Variants in IFIT5 observed in about 807,000 individuals in gnomAD.
IFIT5 encodes the protein interferon-induced protein with tetratricopeptide repeats 5.
IFIT5 carries 2 observed loss-of-function variants against 5.0 expected under a neutral mutation model. That is an observed-to-expected ratio of 0.40 (90% CI 0.16 to 1.26). The LOEUF is 1.26. IFIT5 is among the 50% of genes most tolerant of loss of function. The pLI is 0.33. For missense variants in IFIT5, 524 were observed against 563.2 expected (o/e 0.93, Z 0.70); for synonymous variants, 206 against 204.6 (o/e 1.01, Z -0.06).
At position 89,414,667 on chromosome 10, in the gene IFIT5, A is replaced by G. The variant is rs949942848; in HGVS notation, c.-132A>G. ...AAAGACACGCCGCGCGGCCGAGTCC[A>G]GGGGCTGCAGAGGCCTGGCGCGCGC... On this transcript the variant is annotated 5_prime_UTR_variant, in exon 1 of 2. Transcript: ENST00000371795. 1.9e-6 allele frequency: 2 copies of G among 1,038,410 alleles called. No homozygotes were observed. The highest frequency in any genetic ancestry group is 1.8e-5 in the South Asian group (1 of 55,992). 64.3% of individuals were successfully genotyped at this position (1,038,410 alleles called of 1,614,324 possible).
rs1196287826 is a variant in IFIT5 at position 89,420,930 on chromosome 10, A to C, written c.*2282A>C. 6.6e-6 allele frequency: 1 copy of C among 152,228 alleles called. No homozygotes were observed. Among genetic ancestry groups the C allele is most frequent in the East Asian group, 1.9e-4 (1 of 5,200 alleles). 9.4% of individuals were successfully genotyped at this position (152,228 alleles called of 1,614,324 possible). A position where few individuals can be genotyped will look rare whatever the true frequency, so the allele number is the denominator to read the frequency against. On this transcript the variant is annotated 3_prime_UTR_variant, in exon 2 of 2. Coordinates refer to ENST00000371795, the MANE Select transcript of IFIT5 (RefSeq NM_012420.3). Reference sequence around the variant, plus strand: ...GAAATCCTAAGTTCCTTGAATATCCAGTTTGCATTTGGACTCCTCATCATA... The same window carrying C: ...GAAATCCTAAGTTCCTTGAATATCCCGTTTGCATTTGGACTCCTCATCATA...
Position 89,414,649 on chromosome 10 carries a change from C to A in IFIT5, c.-150C>A. The A allele has an allele frequency of 5.3e-6, 4 of 759,210 alleles. No homozygotes were observed. Among genetic ancestry groups the A allele is most frequent in the Non-Finnish European group, 7.8e-6 (4 of 514,148 alleles). 47.0% of individuals were successfully genotyped at this position (759,210 alleles called of 1,614,324 possible). On this transcript the variant is annotated 5_prime_UTR_variant, in exon 1 of 2. Coordinates refer to ENST00000371795, the MANE Select transcript of IFIT5 (RefSeq NM_012420.3). ...TGGGGTCTCTCCTTTAACAAAGACA[C>A]GCCGCGCGGCCGAGTCCAGGGGCTG...
In IFIT5 at chr10:89,417,671, A is replaced by C; in HGVS notation, c.472A>C (p.Lys158Gln). Residue 158 changes from lysine (K) to glutamine (Q), a missense_variant, in exon 2 of 2, where the codon AAG (lysine) becomes CAG (glutamine). Physicochemically the swap from Lys to Gln is moderately conservative, Grantham distance 53. Transcript: ENST00000371795. ...LLKFGGKYYQ[K>Q]AKAAFEKALE... ...GAAATTTGGAGGAAAGTATTATCAA[A>C]AGGCTAAAGCGGCTTTTGAGAAGGC... 6.2e-7 allele frequency: 1 copy of C among 1,614,220 alleles called. No individual in the cohort carries two copies. The highest frequency in any genetic ancestry group is 8.5e-7 in the Non-Finnish European group (1 of 1,180,032).
chr10:89,417,467 G>A lies in IFIT5; in HGVS notation c.268G>A (p.Glu90Lys). 7.4e-6 allele frequency: 12 copies of A among 1,614,214 alleles called. No homozygotes were observed. Among genetic ancestry groups the A allele is most frequent in the Non-Finnish European group, 1.0e-5 (12 of 1,180,040 alleles). The change falls in exon 2 of 2, where the codon GAA (glutamate) becomes AAA (lysine). Residue 90 changes from glutamate (E) to lysine (K), a missense_variant. Transcript: ENST00000371795. Reference protein sequence around the residue: ...IIQQEHSDKEEVRSLVTWGNY... With the variant: ...IIQQEHSDKEKVRSLVTWGNY... ...CCAGCAAGAACACTCAGACAAAGAA[G>A]AAGTACGAAGCCTGGTCACTTGGGG...
Position 89,420,496 on chromosome 10 carries a change from G to A in IFIT5, c.*1848G>A, listed in dbSNP as rs1375569390. 6.6e-6 allele frequency: 1 copy of A among 152,172 alleles called. No homozygotes were observed. The highest frequency in any genetic ancestry group is 1.5e-5 in the Non-Finnish European group (1 of 68,028). The allele number at this position is 152,172 out of a possible 1,614,324, so 9.4% of individuals were successfully genotyped here. On this transcript the variant is annotated 3_prime_UTR_variant, in exon 2 of 2. Transcript: ENST00000371795. ...CAGTTAATCATAGAAAAGATTATTT[G>A]CTTCATCAGTTCATAGAAAAGATTA...
In IFIT5 at chr10:89,420,623, A is replaced by G. The variant is rs554326939; in HGVS notation, c.*1975A>G. The G allele has an allele frequency of 1.3e-5, 2 of 152,200 alleles. No individual in the cohort carries two copies. Among genetic ancestry groups the G allele is most frequent in the South Asian group, 4.1e-4 (2 of 4,832 alleles). 9.4% of individuals were successfully genotyped at this position (152,200 alleles called of 1,614,324 possible). ...TTAAACAAGCTCCTCCTAGGTGAGG[A>G]TGCTGTGGCTGTTCTAATTACATTT... On this transcript the variant is annotated 3_prime_UTR_variant, in exon 2 of 2. Coordinates refer to ENST00000371795, the MANE Select transcript of IFIT5 (RefSeq NM_012420.3).
chr10:89,417,965 G>A lies in IFIT5; in HGVS notation c.766G>A (p.Ala256Thr). The A allele has an allele frequency of 1.9e-6, 3 of 1,614,160 alleles. No homozygotes were observed. Among genetic ancestry groups the A allele is most frequent in the Non-Finnish European group, 2.5e-6 (3 of 1,180,020 alleles). ...SSQPYVLRYA[A>T]KFYRRKNSWN... ...CCAGCCTTACGTCCTTCGTTATGCA[G>A]CCAAGTTCTATAGGAGAAAAAATTC... Residue 256 changes from alanine to threonine, a missense_variant, in exon 2 of 2, where the codon GCC becomes ACC. Ala to Thr is a moderately conservative substitution (Grantham distance 58). Transcript: ENST00000371795.
rs1429133517 is a variant in IFIT5, at chr10:89,417,316, G to T, written c.117G>T (p.Gly39=). 1.7e-5 allele frequency: 28 copies of T among 1,613,980 alleles called. No homozygotes were observed. The highest frequency in any genetic ancestry group is 2.4e-5 in the Non-Finnish European group (28 of 1,180,010). Residue 39 remains glycine (G), a synonymous_variant, in exon 2 of 2, where the codon GGG becomes GGT. Coordinates refer to ENST00000371795, the MANE Select transcript of IFIT5 (RefSeq NM_012420.3). ...IDLFEVEDTI[G]QQLEFLTTKS... is the part of the protein sequence containing the mutation. ...TGTTTGAGGTAGAAGATACAATTGG[G>T]CAACAGCTTGAATTTCTTACCACAA...
chr10:89,416,048 G>T (rs917197638), intron 1 of IFIT5, among the ~76,000 whole-genome samples: 11 of 152,180 alleles, frequency 7.2e-5, no homozygotes, highest in African/African-American at 2.6e-4. Context: ...TCAGCTTCCC[G>T]TGTAGCTGGG....
chr10:89,418,599 A>G lies in IFIT5; in HGVS notation c.1400A>G (p.Glu467Gly), dbSNP rs761491449. ...YYEKAQKIDP[E>G]NAEFLTALCE... ...GAGAAGGCACAAAAGATAGATCCAGAAAATGCAGAATTCCTGACTGCTCTC... is the reference window on the plus strand; with the variant it reads ...GAGAAGGCACAAAAGATAGATCCAGGAAATGCAGAATTCCTGACTGCTCTC... Residue 467 changes from glutamate (E) to glycine (G), a missense_variant, in exon 2 of 2, where the codon GAA becomes GGA. Coordinates refer to ENST00000371795, the MANE Select transcript of IFIT5 (RefSeq NM_012420.3). 1 of 1,614,028 alleles carries G rather than the reference A, an allele frequency of 6.2e-7. No individual in the cohort carries two copies. The highest frequency in any genetic ancestry group is 1.3e-5 in the African/African-American group (1 of 74,932).
In IFIT5 at chr10:89,417,912, T is replaced by C. The variant is rs749932525; in HGVS notation, c.713T>C (p.Ile238Thr). ...GCAGAAGCTGAAGGGGAAAAGTATA[T>C]TGAAGAAATCCTGGACCAAATATCA... ...VHAEAEGEKY[I>T]EEILDQISSQ... The change falls in exon 2 of 2, where the codon ATT (isoleucine) becomes ACT (threonine). Residue 238 changes from isoleucine to threonine, a missense_variant. Physicochemically the swap from Ile to Thr is moderately conservative, Grantham distance 89. Transcript: ENST00000371795. 2.5e-6 allele frequency: 4 copies of C among 1,614,042 alleles called. No homozygotes were observed. In the African/African-American group the frequency reaches 5.3e-5, roughly 22 times the overall value.
At position 89,418,712 on chromosome 10, in the gene IFIT5, T is replaced by A. The variant is rs1209147359; in HGVS notation, c.*64T>A. 8 of 1,456,568 alleles carry A rather than the reference T, an allele frequency of 5.5e-6. No individual in the cohort carries two copies. The East Asian group carries it at 1.6e-4, about 29-fold the overall frequency. 90.2% of individuals were successfully genotyped at this position (1,456,568 alleles called of 1,614,324 possible). A position where few individuals can be genotyped will look rare whatever the true frequency, so the allele number is the denominator to read the frequency against. ...CATTTTGGGTTCTCCTGTTTGTTTTTTTTTTATTATTTTAATCCCTTGTTT... is the reference window on the plus strand; with the variant it reads ...CATTTTGGGTTCTCCTGTTTGTTTTATTTTTATTATTTTAATCCCTTGTTT... On this transcript the variant is annotated 3_prime_UTR_variant, in exon 2 of 2. Coordinates refer to ENST00000371795, the MANE Select transcript of IFIT5 (RefSeq NM_012420.3).
At position 89,418,643 on chromosome 10, in the gene IFIT5, A is replaced by G. The variant is rs777787123; in HGVS notation, c.1444A>G (p.Ile482Val). 3.1e-6 allele frequency: 5 copies of G among 1,605,976 alleles called. No homozygotes were observed. In the African/African-American group the frequency reaches 4.0e-5, roughly 13 times the overall value. The change falls in exon 2 of 2, where the codon ATT (isoleucine) becomes GTT (valine). Residue 482 changes from isoleucine to valine, a missense_variant. Physicochemically the swap from Ile to Val is conservative, Grantham distance 29. Coordinates refer to ENST00000371795, the MANE Select transcript of IFIT5 (RefSeq NM_012420.3). ...TGCTCTCTGTGAGCTCCGACTTTCC[A>G]TTTAAATACATACTCTAGGAAATTA... ...LTALCELRLSI is the reference protein window; with the variant it reads ...LTALCELRLSV
chr10:89,418,308 T>C lies in IFIT5; in HGVS notation c.1109T>C (p.Ile370Thr). The C allele has an allele frequency of 6.2e-7, 1 of 1,614,182 alleles. No homozygotes were observed. The highest frequency in any genetic ancestry group is 8.5e-7 in the Non-Finnish European group (1 of 1,180,008). Residue 370 changes from isoleucine to threonine, a missense_variant, in exon 2 of 2, where the codon ATA becomes ACA. Transcript: ENST00000371795. The stretch of plus-strand genomic sequence containing the variant: ...CGGAAAGCTCTTCGTCTGGAGAACA[T>C]AACCGATGATCACAAACATCAGATC... Reference protein sequence around the residue: ...IFRKALRLENITDDHKHQIHY... With the variant: ...IFRKALRLENTTDDHKHQIHY...
chr10:89,417,611 C>T lies in IFIT5; in HGVS notation c.412C>T (p.Pro138Ser), dbSNP rs1300460401. Residue 138 changes from proline to serine, a missense_variant, in exon 2 of 2, where the codon CCT (proline) becomes TCT (serine). Physicochemically the swap from Pro to Ser is moderately conservative, Grantham distance 74. Coordinates refer to ENST00000371795, the MANE Select transcript of IFIT5 (RefSeq NM_012420.3). The stretch of plus-strand genomic sequence containing the variant: ...TCCTTCTAACTACAAGTTGGAGTGT[C>T]CTGAGACTGACTGTGAGAAAGGCTG... ...SSPSNYKLEC[P>S]ETDCEKGWAL... The T allele has an allele frequency of 1.2e-6, 2 of 1,614,158 alleles. No homozygotes were observed. The highest frequency in any genetic ancestry group is 2.7e-5 in the African/African-American group (2 of 75,022).
rs1841591817 is a variant in IFIT5 at position 89,420,891 on chromosome 10, T to C, written c.*2243T>C. On this transcript the variant is annotated 3_prime_UTR_variant, in exon 2 of 2. Coordinates refer to ENST00000371795, the MANE Select transcript of IFIT5 (RefSeq NM_012420.3). ...AATGGAATAAAATTAATTAGGCTAA[T>C]AGGCTTAACCCAGGAAATCCTAAGT... The C allele has an allele frequency of 6.6e-6, 1 of 152,200 alleles. No homozygotes were observed. 9.4% of individuals were successfully genotyped at this position (152,200 alleles called of 1,614,324 possible).
At chr10:89,415,999 T>TGGGTTCCTCACCGGAG (rs1267463857) in intron 1 of IFIT5, among the ~76,000 whole-genome samples, 3 of 152,222 alleles carry the variant, frequency 2.0e-5, no homozygotes, top group African/African-American at 7.2e-5. Flanking sequence ...CTCGGCTCAC[T>TGGGTTCCTCACCGGAG]GCAACCTCCG....
In IFIT5 at chr10:89,414,760, G is replaced by T; in HGVS notation, c.-39G>T. 1.2e-6 allele frequency: 2 copies of T among 1,605,276 alleles called. No individual in the cohort carries two copies. The highest frequency in any genetic ancestry group is 8.5e-7 in the Non-Finnish European group (1 of 1,177,164). On this transcript the variant is annotated 5_prime_UTR_variant, in exon 1 of 2. Coordinates refer to ENST00000371795, the MANE Select transcript of IFIT5 (RefSeq NM_012420.3). ...GGTGCTGAGGAGAGAGCGATCCGAG[G>T]GACTGCGCCGCCCGGACGGCCTGCA...
At chr10:89,416,140 G>A (rs1378103029) in intron 1 of IFIT5, among the ~76,000 whole-genome samples, 2 of 151,842 alleles carry the variant, frequency 1.3e-5, no homozygotes, top group African/African-American at 2.4e-5. Context: ...GACCGGGCTG[G>A]TCTCGAATTC....
Sources: allele counts gnomAD v4.1 joint callset (sites outside exome capture counted in the v4.1 genomes callset), GRCh38; gene constraint gnomAD v4.1.1; transcripts MANE v1.5; gene names NCBI Gene and HGNC (gene_info 2026-07-23, HGNC 2026-07-21).